The following BCAS3 variants were observed in gnomAD, a reference collection of about 807,000 sequenced individuals.
BCAS3 encodes the protein BCAS3 microtubule associated cell migration factor.
Under a neutral mutation model 116.1 loss-of-function variants are expected in BCAS3, and 53 were observed. That is an observed-to-expected ratio of 0.46 (90% confidence interval 0.37 to 0.57). The LOEUF (loss-of-function observed/expected upper bound fraction) is 0.57, where lower values mean the gene tolerates loss of function less well. BCAS3 is among the 20% of genes least tolerant of loss of function. The pLI is 0.00. For missense variants in BCAS3, 917 were observed against 1,165.4 expected (o/e 0.79, Z 3.10); for synonymous variants, 391 against 408.2 (o/e 0.96, Z 0.51).
chr17:60,796,146 G>A (rs1384019151), intron 6 of BCAS3, among the ~76,000 whole-genome samples: 1 of 152,140 alleles, frequency 6.6e-6, no homozygotes, highest in Non-Finnish European at 1.5e-5. Flanking sequence ...TTTTGTTAAG[G>A]ATTTTAGCAT....
intron 22 of BCAS3, among the ~76,000 whole-genome samples, chr17:61,293,044 T>G (rs2052584531): frequency 6.6e-6 from 1 of 152,212 alleles, no homozygotes; most frequent in Non-Finnish European, 1.5e-5. Context: ...ATAAAATTTT[T>G]GGTAAAGTTT....
chr17:61,201,619 T>A (rs1344172207), intron 22 of BCAS3, among the ~76,000 whole-genome samples: 1 of 152,148 alleles, frequency 6.6e-6, no homozygotes, highest in East Asian at 1.9e-4. Context: ...TTTGCTCAGG[T>A]TGTGGTTAAT....
At chr17:60,709,947 G>C (rs1285016224) in intron 5 of BCAS3, among the ~76,000 whole-genome samples, 1 of 152,042 alleles carries the variant, frequency 6.6e-6, no homozygotes, top group Non-Finnish European at 1.5e-5. Flanking sequence ...TCATTATTTG[G>C]CATAATCTAA....
At chr17:60,789,270 T>C (rs942935289) in intron 6 of BCAS3, among the ~76,000 whole-genome samples, 2 of 152,204 alleles carry the variant, frequency 1.3e-5, no homozygotes, top group Non-Finnish European at 2.9e-5. Flanking sequence ...GCTGTTTCTA[T>C]TTTATGTCTT....
intron 13 of BCAS3, among the ~76,000 whole-genome samples, chr17:60,941,052 T>C (rs1358149733): frequency 6.6e-6 from 1 of 152,194 alleles, no homozygotes; most frequent in East Asian, 1.9e-4. Context: ...TACCTCAGAT[T>C]TTGGAGAACG....
At chr17:60,687,713 A>G (rs2034269133) in intron 3 of BCAS3, among the ~76,000 whole-genome samples, 1 of 152,140 alleles carries the variant, frequency 6.6e-6, no homozygotes, top group East Asian at 1.9e-4. Context: ...TAAAATATCT[A>G]AGCATGGGAA....
intron 22 of BCAS3, among the ~76,000 whole-genome samples, chr17:61,170,293 T>G (rs571540521): frequency 6.0e-5 from 9 of 150,760 alleles, no homozygotes; most frequent in African/African-American, 1.9e-4. Flanking sequence ...TTTTTGTTTT[T>G]GTTTTTTGGT....
intron 4 of BCAS3, among the ~76,000 whole-genome samples, chr17:60,705,632 C>T (rs1403253389): frequency 1.3e-5 from 2 of 152,042 alleles, no homozygotes; most frequent in East Asian, 3.9e-4. Context: ...TAAGACACCA[C>T]ACCAGAGAAG....
Position 61,391,778 on chromosome 17 carries a change from G to C in BCAS3, c.2594-199G>C, listed in dbSNP as rs2060144252. 1 of 620,218 alleles carries C rather than the reference G, an allele frequency of 1.6e-6. No homozygotes were observed. Among genetic ancestry groups the C allele is most frequent in the Non-Finnish European group, 2.8e-6 (1 of 352,164 alleles). The allele number at this position is 620,218 out of a possible 1,614,324, so 38.4% of individuals were successfully genotyped here. A position where few individuals can be genotyped will look rare whatever the true frequency, so the allele number is the denominator to read the frequency against. ...TCTCACACCAGAGTCTGCCAGCCAG[G>C]GGGCTTTCCCTCCCCTGGCTGAGCC... On this transcript the variant is annotated intron_variant, in intron 23 of 23. Transcript: ENST00000407086. The surrounding 1 kb of genome is among the most constrained non-coding windows in gnomAD (Gnocchi z 7.7).
intron 22 of BCAS3, among the ~76,000 whole-genome samples, chr17:61,236,763 G>GT (rs1002766484): frequency 6.7e-6 from 1 of 149,234 alleles, no homozygotes; most frequent in African/African-American, 2.5e-5. Flanking sequence ...GATGGAGAAG[G>GT]TAAAAAAAAA....
chr17:60,931,995 C>G (rs1348420260), intron 13 of BCAS3, among the ~76,000 whole-genome samples: 1 of 152,018 alleles, frequency 6.6e-6, no homozygotes, highest in Non-Finnish European at 1.5e-5. Flanking sequence ...ATTGCTTAAG[C>G]CTGGGAGGCA....
At chr17:60,839,447 C>T (rs904970714) in intron 7 of BCAS3, among the ~76,000 whole-genome samples, 8 of 151,994 alleles carry the variant, frequency 5.3e-5, no homozygotes, top group Admixed American at 5.2e-4. Flanking sequence ...TGTCACTTAC[C>T]CCTTTGTGCC....
chr17:60,750,436 CACCACTTCT>C (rs2042361513), intron 6 of BCAS3, among the ~76,000 whole-genome samples: 1 of 151,878 alleles, frequency 6.6e-6, no homozygotes, highest in South Asian at 2.1e-4. Flanking sequence ...TGACTTCTGT[CACCACTTCT>C]ATTTATTGTA....
At chr17:61,375,246 G>GTGTGTGTGCACGCGCGCGCGCGCGCACA (rs1555861732) in intron 23 of BCAS3, among the ~76,000 whole-genome samples, 2 of 150,666 alleles carry the variant, frequency 1.3e-5, no homozygotes, top group African/African-American at 5.0e-5. Flanking sequence ...GTGTGTGTGT[G>GTGTGTGTGCACGCGCGCGCGCGCGCACA]TGTGTGTGTA....
intron 12 of BCAS3, among the ~76,000 whole-genome samples, chr17:60,920,636 C>T (rs2059021648): frequency 6.6e-6 from 1 of 151,970 alleles, no homozygotes; most frequent in East Asian, 1.9e-4. Flanking sequence ...TTTGGGAGGC[C>T]GAGGCAGGCA....
In BCAS3 at chr17:61,354,490, C is replaced by T. The variant is rs1270708120; in HGVS notation, c.2426-13837C>T. On this transcript the variant is annotated intron_variant, in intron 22 of 23. Coordinates refer to ENST00000407086, the MANE Select transcript of BCAS3 (RefSeq NM_017679.5). The surrounding 1 kb of genome is among the most constrained non-coding windows in gnomAD (Gnocchi z 4.5). ...GCCTCAAGGCCTGATGGAAACCATC[C>T]ACAGCCACTCTAGTAAGTGACCCCT... The T allele has an allele frequency of 6.6e-6, 1 of 152,310 alleles. No homozygotes were observed. The allele number at this position is 152,310 out of a possible 1,614,324, so 9.4% of individuals were successfully genotyped here.
intron 10 of BCAS3, among the ~76,000 whole-genome samples, chr17:60,895,202 TG>T (rs113489258): frequency 0.091 from 13,842 of 152,160 alleles, 2,111 homozygotes; most frequent in African/African-American, 0.31. Flanking sequence ...GCTTGCTTTC[TG>T]GGAGACTTTA....
chr17:61,369,622 C>T (rs2058941555), intron 23 of BCAS3, among the ~76,000 whole-genome samples: 1 of 152,208 alleles, frequency 6.6e-6, no homozygotes, highest in African/African-American at 2.4e-5. Context: ...CGTTCCTTCA[C>T]TAAGACGTGT....
chr17:60,736,525 G>T (rs118003303), intron 5 of BCAS3, among the ~76,000 whole-genome samples: 1 of 152,034 alleles, frequency 6.6e-6, no homozygotes, highest in Admixed American at 6.6e-5. Context: ...AGTAATACTG[G>T]CCTCCTAAAA....
Sources: allele counts gnomAD v4.1 joint callset (sites outside exome capture counted in the v4.1 genomes callset), GRCh38; gene constraint gnomAD v4.1.1; non-coding constraint Gnocchi (gnomAD v3.1); transcripts MANE v1.5; gene names NCBI Gene and HGNC (gene_info 2026-07-23, HGNC 2026-07-21).